The following NAA50 variants were observed in gnomAD, a reference collection of about 807,000 sequenced individuals.
NAA50 encodes N-alpha-acetyltransferase 50, NatE catalytic subunit.
A neutral mutation model predicts 20.7 loss-of-function variants in NAA50; 7 were observed. The observed-to-expected ratio is 0.34, with a 90% confidence interval of 0.19 to 0.63. The LOEUF is 0.63. Among genes scored for constraint, NAA50 ranks in the 30% least tolerant of loss-of-function variants. The pLI, the probability that NAA50 is intolerant of heterozygous loss-of-function variation, is 0.75. For synonymous variants in NAA50, 54 were observed against 70.6 expected, an observed-to-expected ratio of 0.77 and a Z score of 1.18; for missense variants, 111 against 199.1, an observed-to-expected ratio of 0.56 and a Z score of 2.66.
At chr3:113,725,140 T>C (rs1201483096) in intron 1 of NAA50, among the ~76,000 whole-genome samples, 1 of 152,198 alleles carries the variant, frequency 6.6e-6, no homozygotes, top group African/African-American at 2.4e-5. Flanking sequence ...TCTAACAAAG[T>C]ATCAAAGGTA....
Position 113,746,086 on chromosome 3 carries a change from G to C in NAA50, c.-137C>G, listed in dbSNP as rs917620539. On this transcript the variant is annotated 5_prime_UTR_variant, in exon 1 of 5. Coordinates refer to ENST00000240922, the MANE Select transcript of NAA50 (RefSeq NM_025146.4). ...CTAGCCTGGGCAGGGAGCTGTGCGAGCAACGAAGGCCGCGAGAGTCGAGTG... is the reference window on the plus strand; with the variant it reads ...CTAGCCTGGGCAGGGAGCTGTGCGACCAACGAAGGCCGCGAGAGTCGAGTG... 1.3e-5 allele frequency: 15 copies of C among 1,160,450 alleles called. No individual in the cohort carries two copies. The highest frequency in any genetic ancestry group is 7.3e-5 in the Admixed American group (3 of 41,008). The allele number at this position is 1,160,450 out of a possible 1,614,324, so 71.9% of individuals were successfully genotyped here. A position where few individuals can be genotyped will look rare whatever the true frequency, so the allele number is the denominator to read the frequency against.
At chr3:113,726,595 T>C (rs1708202335) in intron 1 of NAA50, among the ~76,000 whole-genome samples, 1 of 151,760 alleles carries the variant, frequency 6.6e-6, no homozygotes, top group Non-Finnish European at 1.5e-5. Flanking sequence ...AATACAAAAA[T>C]TAGCCCGGTG....
intron 1 of NAA50, among the ~76,000 whole-genome samples, chr3:113,731,377 A>G (rs1708270776): frequency 1.3e-5 from 2 of 152,190 alleles, no homozygotes; most frequent in East Asian, 1.9e-4. Flanking sequence ...ACTCAAGATC[A>G]CAAAGATTTT....
intron 1 of NAA50, among the ~76,000 whole-genome samples, chr3:113,742,273 GTTTTT>G (rs1232495758): frequency 6.6e-6 from 1 of 152,074 alleles, no homozygotes; most frequent in Admixed American, 6.5e-5. Flanking sequence ...GTTTTGTTTT[GTTTTT>G]TAAGACCAGT....
intron 1 of NAA50, chr3:113,741,345 C>T: frequency 4.0e-6 from 1 of 246,940 alleles, no homozygotes; most frequent in Non-Finnish European, 8.0e-6. Context: ...CTGTACTAGA[C>T]AGAACAATAA....
In NAA50 at chr3:113,722,012, G is replaced by A. The variant is rs191181088; in HGVS notation, c.333-75C>T. 310 of 1,317,026 alleles carry A rather than the reference G, an allele frequency of 2.4e-4. 2 individuals carry two copies. In the East Asian group the frequency reaches 7.3e-3, roughly 31 times the overall value. The allele number at this position is 1,317,026 out of a possible 1,614,324, so 81.6% of individuals were successfully genotyped here. A position where few individuals can be genotyped will look rare whatever the true frequency, so the allele number is the denominator to read the frequency against. ...AAGTTTTAAGCATTCTCCACAGATAGCTCCAAACATCTGTTACATTCTCTT... is the reference window on the plus strand; with the variant it reads ...AAGTTTTAAGCATTCTCCACAGATAACTCCAAACATCTGTTACATTCTCTT... On this transcript the variant is annotated intron_variant, in intron 4 of 4. Coordinates refer to ENST00000240922, the MANE Select transcript of NAA50 (RefSeq NM_025146.4).
At position 113,722,896 on chromosome 3, in the gene NAA50, T is replaced by C; in HGVS notation, c.332+10A>G. ...CCTTTGATAAGAACATTAAATATTA[T>C]TTTACTTACAGATAAATGTTGTCAA... On this transcript the variant is annotated intron_variant, in intron 4 of 4. Transcript: ENST00000240922. The C allele has an allele frequency of 6.6e-7, 1 of 1,520,158 alleles. No individual in the cohort carries two copies. Among genetic ancestry groups the C allele is most frequent in the Non-Finnish European group, 8.9e-7 (1 of 1,122,622 alleles). 94.2% of individuals were successfully genotyped at this position (1,520,158 alleles called of 1,614,324 possible).
intron 1 of NAA50, among the ~76,000 whole-genome samples, chr3:113,733,291 A>G (rs574070077): frequency 6.6e-6 from 1 of 151,904 alleles, no homozygotes; most frequent in Non-Finnish European, 1.5e-5. Flanking sequence ...AAAACTGGGA[A>G]TTCTTTATAG....
At chr3:113,730,274 C>G (rs1248386058) in intron 1 of NAA50, among the ~76,000 whole-genome samples, 1 of 152,130 alleles carries the variant, frequency 6.6e-6, no homozygotes. Context: ...GCACTCCAGC[C>G]TGAGTGACAG....
At chr3:113,731,310 T>C (rs925300790) in intron 1 of NAA50, among the ~76,000 whole-genome samples, 4 of 152,200 alleles carry the variant, frequency 2.6e-5, no homozygotes, top group African/African-American at 9.6e-5. Flanking sequence ...AAGTTTTACA[T>C]TTTGACAAAT....
Position 113,741,279 on chromosome 3 carries a change from C to T in NAA50, c.8+4663G>A, listed in dbSNP as rs1708410974. 3.7e-5 allele frequency: 14 copies of T among 379,918 alleles called. No homozygotes were observed. In the Admixed American group the frequency reaches 3.7e-4, roughly 10 times the overall value. The allele number at this position is 379,918 out of a possible 1,614,324, so 23.5% of individuals were successfully genotyped here. A position where few individuals can be genotyped will look rare whatever the true frequency, so the allele number is the denominator to read the frequency against. ...TCTTACCCGGGAAATGGCAACTGTG[C>T]CACAGACCACAAGGTACATTTCAAC... On this transcript the variant is annotated intron_variant, in intron 1 of 4. Coordinates refer to ENST00000240922, the MANE Select transcript of NAA50 (RefSeq NM_025146.4).
At chr3:113,727,258 A>G (rs957473969) in intron 1 of NAA50, among the ~76,000 whole-genome samples, 1 of 152,210 alleles carries the variant, frequency 6.6e-6, no homozygotes, top group Non-Finnish European at 1.5e-5. Flanking sequence ...TTAGTATTTA[A>G]AAAGTGATTT....
Position 113,743,683 on chromosome 3 carries a change from G to C in NAA50, c.8+2259C>G, listed in dbSNP as rs558967389. 5.3e-5 allele frequency among the ~76,000 whole-genome samples: 8 copies of C among 152,264 alleles called. No individual in the cohort carries two copies. The South Asian group carries it at 1.0e-3, about 20-fold the overall frequency. ...ATTATTCCTGTGAAATCATCTTAAA[G>C]GTTTACAGTAAAGAACACAATTCTA... is the stretch of plus-strand genomic sequence containing the variant. On this transcript the variant is annotated intron_variant, in intron 1 of 4. Coordinates refer to ENST00000240922, the MANE Select transcript of NAA50 (RefSeq NM_025146.4).
In NAA50 at chr3:113,733,853, C is replaced by CAAAAAAAAAAAA. The variant is rs58431115; in HGVS notation, c.9-9770_9-9759dup. Among the ~76,000 whole-genome samples the CAAAAAAAAAAAA allele has an allele frequency of 1.3e-4, 9 of 68,488 alleles. 1 individual carries two copies. In the East Asian group the frequency reaches 1.3e-3, roughly 10 times the overall value. 44.9% of individuals were successfully genotyped at this position (68,488 alleles called of 152,430 possible). On this transcript the variant is annotated intron_variant, in intron 1 of 4. Transcript: ENST00000240922. ...GGGTGACAGAGCAAGACTCTGTCTC[C>CAAAAAAAAAAAA]AAAAAAAAAAAAAAAAAAAAAAAGA...
rs1166695796 is a variant in NAA50, at chr3:113,717,068, G to T, written c.*4692C>A. The T allele has an allele frequency of 1.3e-5, 2 of 152,272 alleles. No individual in the cohort carries two copies. Among genetic ancestry groups the T allele is most frequent in the Admixed American group, 6.5e-5 (1 of 15,286 alleles). The allele number at this position is 152,272 out of a possible 1,614,324, so 9.4% of individuals were successfully genotyped here. ...AAACATTTTACTGGCCAGGCGCCAT[G>T]GCTCGCCTGTAATCCTAGCACTTTG... On this transcript the variant is annotated 3_prime_UTR_variant, in exon 5 of 5. Coordinates refer to ENST00000240922, the MANE Select transcript of NAA50 (RefSeq NM_025146.4).
At chr3:113,735,212 G>C (rs998309862) in intron 1 of NAA50, among the ~76,000 whole-genome samples, 5 of 152,190 alleles carry the variant, frequency 3.3e-5, no homozygotes, top group Non-Finnish European at 5.9e-5. Context: ...ATGTTCAAGA[G>C]AAGGGAGGAA....
intron 1 of NAA50, among the ~76,000 whole-genome samples, chr3:113,742,580 G>A (rs1708433123): frequency 6.6e-6 from 1 of 152,078 alleles, no homozygotes; most frequent in African/African-American, 2.4e-5. Context: ...ACTATGCTGA[G>A]ATGCAAAAAG....
In NAA50 at chr3:113,746,209, C is replaced by T; in HGVS notation, c.-260G>A. 2.0e-6 allele frequency: 1 copy of T among 495,234 alleles called. No individual in the cohort carries two copies. The allele number at this position is 495,234 out of a possible 1,614,324, so 30.7% of individuals were successfully genotyped here. Reference sequence around the variant, plus strand: ...CTCGGGTCTCTCGGCTCCCTCCCGCCGCTGCCGCCAGCCAGACCCGCTGCC... The same window carrying T: ...CTCGGGTCTCTCGGCTCCCTCCCGCTGCTGCCGCCAGCCAGACCCGCTGCC... On this transcript the variant is annotated 5_prime_UTR_variant, in exon 1 of 5. Coordinates refer to ENST00000240922, the MANE Select transcript of NAA50 (RefSeq NM_025146.4).
intron 1 of NAA50, chr3:113,739,736 C>T (rs892792508): frequency 1.3e-5 from 2 of 152,202 alleles, no homozygotes; most frequent in African/African-American, 4.8e-5. Flanking sequence ...CAGCCATAAA[C>T]TTTCTGTTGG....
Sources: allele counts gnomAD v4.1 joint callset (sites outside exome capture counted in the v4.1 genomes callset), GRCh38; gene constraint gnomAD v4.1.1; transcripts MANE v1.5; gene names NCBI Gene and HGNC (gene_info 2026-07-23, HGNC 2026-07-21).